The following TAP2 variants were observed in gnomAD, a reference collection of about 807,000 sequenced individuals.
The protein encoded by TAP2 is transporter 2, ATP binding cassette subfamily B member, also known as antigen peptide transporter 2.
In TAP2, 49 loss-of-function variants were observed where a neutral mutation model predicts 74.7. The ratio of observed to expected loss-of-function variants is 0.66; its 90% confidence interval spans 0.52 to 0.83. The LOEUF (loss-of-function observed/expected upper bound fraction) is 0.83. Ranked by LOEUF, TAP2 falls within the 40% of genes least tolerant of loss-of-function variation. The pLI is 0.00. For synonymous variants in TAP2, 306 were observed against 368.4 expected, an observed-to-expected ratio of 0.83 and a Z score of 1.94; for missense variants, 739 against 859.0, an observed-to-expected ratio of 0.86 and a Z score of 1.75.
chr6:32,825,562 C>T lies in TAP2; in HGVS notation c.*3344G>A, dbSNP rs181735897. On this transcript the variant is annotated 3_prime_UTR_variant, in exon 12 of 12. Coordinates refer to ENST00000374897, the MANE Select transcript of TAP2 (RefSeq NM_001290043.2). ...CAGTAAACTTCTCTGGAAAGATAAACACAAAGCTGGAAGAACGGATTGCCT... is the reference window on the plus strand; with the variant it reads ...CAGTAAACTTCTCTGGAAAGATAAATACAAAGCTGGAAGAACGGATTGCCT... The T allele has an allele frequency of 6.6e-6, 1 of 152,192 alleles. No homozygotes were observed. The highest frequency in any genetic ancestry group is 2.1e-4 in the South Asian group (1 of 4,832). 9.4% of individuals were successfully genotyped at this position (152,192 alleles called of 1,614,324 possible).
Position 32,837,818 on chromosome 6 carries a change from C to T in TAP2, c.416G>A (p.Trp139Ter), listed in dbSNP as rs1769520958. The part of the protein sequence containing the change: ...QDQVNNKVLM[W>*]RLLKLSRPDL... ...CGGCCTGGAGAGCTTCAGCAGCCTC[C>T]ACATCAAGACTTTGTTGTTCACCTG... is the stretch of plus-strand genomic sequence containing the variant. The change falls in exon 2 of 12, where the codon TGG (tryptophan) becomes TAG (stop). Residue 139 changes from tryptophan (W) to a stop codon, truncating the protein, a stop_gained. Coordinates refer to ENST00000374897, the MANE Select transcript of TAP2 (RefSeq NM_001290043.2). LOFTEE classifies it high-confidence loss of function. 1 of 1,613,900 alleles carries T rather than the reference C, an allele frequency of 6.2e-7. No individual in the cohort carries two copies. The highest frequency in any genetic ancestry group is 1.7e-5 in the Admixed American group (1 of 60,008).
In TAP2 at chr6:32,827,071, A is replaced by C; in HGVS notation, c.*1835T>G. On this transcript the variant is annotated 3_prime_UTR_variant, in exon 12 of 12. Transcript: ENST00000374897. ...GGCAAATCTGCACAAGAAACTGCCC[A>C]CTCTCACCCCATCCTCACTGCACCC... 1 of 985,512 alleles carries C rather than the reference A, an allele frequency of 1.0e-6. No homozygotes were observed. Among genetic ancestry groups the C allele is most frequent in the African/African-American group, 1.7e-5 (1 of 57,266 alleles). The allele number at this position is 985,512 out of a possible 1,614,324, so 61.0% of individuals were successfully genotyped here.
Position 32,835,528 on chromosome 6 carries a change from A to G in TAP2, c.739+115T>C. ...CTCCACCCTGTCCCAAACAAGAGAA[A>G]AGCATCCCCAAGTCCTGGCATACGG... On this transcript the variant is annotated intron_variant, in intron 4 of 11. Coordinates refer to ENST00000374897, the MANE Select transcript of TAP2 (RefSeq NM_001290043.2). This position sits in a 1 kb window ranked among gnomAD's most constrained non-coding sequence, Gnocchi z 4.0. The G allele has an allele frequency of 6.5e-7, 1 of 1,533,456 alleles. No homozygotes were observed. The allele number at this position is 1,533,456 out of a possible 1,614,324, so 95.0% of individuals were successfully genotyped here. A position where few individuals can be genotyped will look rare whatever the true frequency, so the allele number is the denominator to read the frequency against.
downstream of TAP2, chr6:32,822,284 G>T (rs1582542422): frequency 1.3e-6 from 2 of 1,544,180 alleles, no homozygotes; most frequent in Non-Finnish European, 1.8e-6. Context: ...AATATCCATT[G>T]AAATTCAAAA....
rs775010507 is a variant in TAP2, at chr6:32,828,434, A to G, written c.*472T>C. On this transcript the variant is annotated 3_prime_UTR_variant, in exon 12 of 12. Coordinates refer to ENST00000374897, the MANE Select transcript of TAP2 (RefSeq NM_001290043.2). The stretch of plus-strand genomic sequence containing the variant: ...GGTTAATTTCTATCTCAAACAACAG[A>G]TAAACGACTGATGGGACAGGCAGCA... 3.2e-4 allele frequency: 311 copies of G among 985,978 alleles called. No individual in the cohort carries two copies. The highest frequency in any genetic ancestry group is 3.5e-4 in the Non-Finnish European group (293 of 830,358). The allele number at this position is 985,978 out of a possible 1,614,324, so 61.1% of individuals were successfully genotyped here.
At position 32,828,990 on chromosome 6, in the gene TAP2, A is replaced by C. The variant is rs1768854633; in HGVS notation, c.1977T>G (p.Ile659Met). The C allele has an allele frequency of 6.4e-7, 1 of 1,551,094 alleles. No individual in the cohort carries two copies. Among genetic ancestry groups the C allele is most frequent in the Admixed American group, 1.9e-5 (1 of 51,462 alleles). ...GCTGAACTGTCTGCAGCCTGTGAGC[A>C]ATCACCAGCACTGTGCGATCCCCAC... ...NSRGDRTVLV[I>M]AHRLQTVQRA... Residue 659 changes from isoleucine (I) to methionine (M), a missense_variant, in exon 12 of 12, where the codon ATT becomes ATG. Coordinates refer to ENST00000374897, the MANE Select transcript of TAP2 (RefSeq NM_001290043.2).
In TAP2 at chr6:32,825,891, C is replaced by A. The variant is rs115261305; in HGVS notation, c.*3015G>T. 2,064 of 710,284 alleles carry A rather than the reference C, an allele frequency of 2.9e-3. 39 individuals carry two copies. The African/African-American group carries it at 0.037, about 13-fold the overall frequency. The allele number at this position is 710,284 out of a possible 1,614,324, so 44.0% of individuals were successfully genotyped here. On this transcript the variant is annotated 3_prime_UTR_variant, in exon 12 of 12. Transcript: ENST00000374897. ...CTTAGAATTGAGATAGTAATACCTG[C>A]CACATAGAATTATCTTGAAAAATAA...
Position 32,832,500 on chromosome 6 carries a change from C to T in TAP2, c.1144-39G>A. ...AGAAAGAGATGAGGCTGGGAATCTT[C>T]CCATTCTTTCCCCCTCTCTGCCTCT... On this transcript the variant is annotated intron_variant, in intron 6 of 11. Transcript: ENST00000374897. This position sits in a 1 kb window ranked among gnomAD's most constrained non-coding sequence, Gnocchi z 5.9. 2 of 1,610,800 alleles carry T rather than the reference C, an allele frequency of 1.2e-6. No individual in the cohort carries two copies. Among genetic ancestry groups the T allele is most frequent in the African/African-American group, 1.3e-5 (1 of 74,988 alleles).
Position 32,837,879 on chromosome 6 carries a change from G to A in TAP2, c.355C>T (p.Leu119=), listed in dbSNP as rs986963647. 4.3e-6 allele frequency: 7 copies of A among 1,611,748 alleles called. No individual in the cohort carries two copies. In the African/African-American group the frequency reaches 9.4e-5, roughly 22 times the overall value. Reference sequence around the variant, plus strand: ...TTCTCCTGGGCTCCAGGAGGGCTCAGAACAGCCCACAGTGACCAGCTGAGC... The same window carrying A: ...TTCTCCTGGGCTCCAGGAGGGCTCAAAACAGCCCACAGTGACCAGCTGAGC... ...AGLSWSLWAV[L]SPPGAQEKEQ... is the part of the protein sequence containing the mutation. The change falls in exon 2 of 12, where the codon CTG becomes TTG. Residue 119 remains leucine (L), a synonymous_variant. Transcript: ENST00000374897.
downstream of TAP2, among the ~76,000 whole-genome samples, chr6:32,823,663 T>TTATA (rs1768454229): frequency 6.6e-6 from 1 of 152,100 alleles, no homozygotes; most frequent in South Asian, 2.1e-4. Context: ...ATATTTTCAT[T>TTATA]TATTTAGTTC....
Position 32,829,460 on chromosome 6 carries a change from G to A in TAP2, c.1872C>T (p.Asp624=). 1 of 1,613,788 alleles carries A rather than the reference G, an allele frequency of 6.2e-7. No individual in the cohort carries two copies. The highest frequency in any genetic ancestry group is 8.5e-7 in the Non-Finnish European group (1 of 1,179,884). The part of the protein sequence containing the change: ...RLAIARALVR[D]PRVLILDEAT... ...CCTCATCCAGGATGAGGACCCGCGGGTCTCGTACAAGGGCCCGGGCAATGG... is the reference window on the plus strand; with the variant it reads ...CCTCATCCAGGATGAGGACCCGCGGATCTCGTACAAGGGCCCGGGCAATGG... Residue 624 remains aspartate (D), a synonymous_variant, in exon 11 of 12, where the codon GAC becomes GAT. Transcript: ENST00000374897.
chr6:32,837,569 G>A lies in TAP2; in HGVS notation c.576C>T (p.Ala192=), dbSNP rs370372252. Residue 192 remains alanine, a synonymous_variant, in exon 3 of 12, where the codon GCC becomes GCT. Coordinates refer to ENST00000374897, the MANE Select transcript of TAP2 (RefSeq NM_001290043.2). ...AGGAGAAGAGGCACATGAAGAAGAT[G>A]GCACTGGCAAAGGCATGGGGGTCAA... The part of the protein sequence containing the change: ...GDFDPHAFAS[A]IFFMCLFSFG... 42 of 1,613,970 alleles carry A rather than the reference G, an allele frequency of 2.6e-5. No homozygotes were observed. The highest frequency in any genetic ancestry group is 3.3e-5 in the Non-Finnish European group (39 of 1,179,998).
downstream of TAP2, chr6:32,822,359 G>A: frequency 3.1e-6 from 4 of 1,304,492 alleles, no homozygotes; most frequent in Non-Finnish European, 4.3e-6. Flanking sequence ...ATCTTAATGG[G>A]TGTTTTTTAA....
chr6:32,827,321 G>T lies in TAP2; in HGVS notation c.*1585C>A. 4 of 985,358 alleles carry T rather than the reference G, an allele frequency of 4.1e-6. No individual in the cohort carries two copies. Among genetic ancestry groups the T allele is most frequent in the Non-Finnish European group, 4.8e-6 (4 of 829,880 alleles). 61.0% of individuals were successfully genotyped at this position (985,358 alleles called of 1,614,324 possible). A position where few individuals can be genotyped will look rare whatever the true frequency, so the allele number is the denominator to read the frequency against. ...GGATTAAGATTAGTACGATGGTGGA[G>T]ATATTTATTCATTTATTCAATTGAC... On this transcript the variant is annotated 3_prime_UTR_variant, in exon 12 of 12. Transcript: ENST00000374897.
rs373611572 is a variant in TAP2, at chr6:32,838,055, C to T, written c.179G>A (p.Gly60Glu). The change falls in exon 2 of 12, where the codon GGA (glycine) becomes GAA (glutamate). Residue 60 changes from glycine to glutamate, a missense_variant. By Grantham distance (98) the Gly-to-Glu change is moderately conservative (BLOSUM62 -2). Transcript: ENST00000374897. ...WGLLKLRGLL[G>E]FVGTLLLPLC... ...CGGGAGCAGCAGTGTCCCCACAAAT[C>T]CCAGCAGCCCTCTTAGCTTTAGCAG... The T allele has an allele frequency of 1.2e-6, 2 of 1,612,438 alleles. No individual in the cohort carries two copies. Among genetic ancestry groups the T allele is most frequent in the Non-Finnish European group, 8.5e-7 (1 of 1,179,802 alleles).
rs982123886 is a variant in TAP2 at position 32,826,573 on chromosome 6, C to A, written c.*2333G>T. 1.5e-5 allele frequency: 15 copies of A among 985,278 alleles called. No homozygotes were observed. The South Asian group carries it at 3.3e-4, about 22-fold the overall frequency. 61.0% of individuals were successfully genotyped at this position (985,278 alleles called of 1,614,324 possible). On this transcript the variant is annotated 3_prime_UTR_variant, in exon 12 of 12. Coordinates refer to ENST00000374897, the MANE Select transcript of TAP2 (RefSeq NM_001290043.2). ...CCCGAATATTTTGACTTTCAGGGAGCATTTTTCTGTGTCCCTGACATAAAG... is the reference window on the plus strand; with the variant it reads ...CCCGAATATTTTGACTTTCAGGGAGAATTTTTCTGTGTCCCTGACATAAAG...
At position 32,828,279 on chromosome 6, in the gene TAP2, CGCT is replaced by C; in HGVS notation, c.*624_*626del. The C allele has an allele frequency of 3.0e-6, 3 of 985,162 alleles. No individual in the cohort carries two copies. The highest frequency in any genetic ancestry group is 3.6e-6 in the Non-Finnish European group (3 of 829,710). The allele number at this position is 985,162 out of a possible 1,614,324, so 61.0% of individuals were successfully genotyped here. A position where few individuals can be genotyped will look rare whatever the true frequency, so the allele number is the denominator to read the frequency against. On this transcript the variant is annotated 3_prime_UTR_variant, in exon 12 of 12. Transcript: ENST00000374897. ...TATAAATGGTAGCTGTTACCAATGTCGCTATTAATACTGTTAATCAGGGAACTG... is the reference window on the plus strand; with the variant it reads ...TATAAATGGTAGCTGTTACCAATGTCATTAATACTGTTAATCAGGGAACTG...
rs1002375975 is a variant in TAP2 at position 32,832,450 on chromosome 6, C to A, written c.1155G>T (p.Leu385Phe). The part of the protein sequence containing the change: ...LYLLVRRVLH[L>F]GVQMLMLSCG... The stretch of plus-strand genomic sequence containing the variant: ...AGCTCAGCATCAGCATCTGCACCCC[C>A]AAGTGCAGCACCTGGAAGAGGAGAA... The change falls in exon 7 of 12, where the codon TTG (leucine) becomes TTT (phenylalanine). Residue 385 changes from leucine to phenylalanine, a missense_variant. Transcript: ENST00000374897. The surrounding 1 kb of genome is among the most constrained non-coding windows in gnomAD (Gnocchi z 5.9). 6.2e-7 allele frequency: 1 copy of A among 1,612,612 alleles called. No individual in the cohort carries two copies. Among genetic ancestry groups the A allele is most frequent in the Non-Finnish European group, 8.5e-7 (1 of 1,179,856 alleles).
chr6:32,837,513 T>G, intron 3 of TAP2, 24 bp downstream of exon 3: 6 of 1,604,046 alleles, frequency 3.7e-6, no homozygotes, highest in Non-Finnish European at 4.3e-6. Flanking sequence ...GGCTAGCAAA[T>G]GGACCCAGCT....
Sources: gnomAD v4.1 joint callset for allele counts (sites outside exome capture counted in the v4.1 genomes callset) on GRCh38, gnomAD v4.1.1 for gene constraint, Gnocchi (gnomAD v3.1) non-coding constraint, MANE v1.5 for transcripts, NCBI Gene and HGNC (gene_info 2026-07-23, HGNC 2026-07-21) for gene names.